The following LMOD3 variants were observed in gnomAD, a reference collection of about 807,000 sequenced individuals.
LMOD3 encodes leiomodin-3.
Under a neutral mutation model 41.8 loss-of-function variants are expected in LMOD3, and 31 were observed. The ratio of observed to expected loss-of-function variants is 0.74; its 90% confidence interval spans 0.56 to 1.00. The LOEUF is 1.00. Among genes scored for constraint, LMOD3 ranks in the 50% least tolerant of loss-of-function variants. The pLI is 0.00. For synonymous variants in LMOD3, 292 were observed against 241.9 expected, an observed-to-expected ratio of 1.21 and a Z score of -1.92; for missense variants, 755 against 679.5, an observed-to-expected ratio of 1.11 and a Z score of -1.23.
chr3:69,118,984 G>A lies in LMOD3; in HGVS notation c.1371C>T (p.Pro457=), dbSNP rs776772472. 1 of 1,613,312 alleles carries A rather than the reference G, an allele frequency of 6.2e-7. No homozygotes were observed. The change falls in exon 2 of 3, where the codon CCC becomes CCT. Residue 457 remains proline (P), a synonymous_variant. Transcript: ENST00000420581. ...FQPPPPRPPN[P]QNVPFSQRSE... ...TGCGTTGACTAAAGGGGACATTTTG[G>A]GGGTTGGGAGGCCGAGGTGGCGGTG...
Position 69,122,513 on chromosome 3 carries a change from A to AT in LMOD3, c.-128dup, listed in dbSNP as rs5849875. On this transcript the variant is annotated 5_prime_UTR_variant, in exon 1 of 3. Coordinates refer to ENST00000420581, the MANE Select transcript of LMOD3 (RefSeq NM_198271.5). ...TCCCAAGTTAACACACCCTTGAGAT[A>AT]TTTTTTTTTTTTTCCCAGGAACCTC... 21,262 of 588,646 alleles carry AT rather than the reference A, an allele frequency of 0.036. 14 individuals carry two copies. Among genetic ancestry groups the AT allele is most frequent in the Middle Eastern group, 0.049 (99 of 2,006 alleles). The allele number at this position is 588,646 out of a possible 1,614,324, so 36.5% of individuals were successfully genotyped here. A position where few individuals can be genotyped will look rare whatever the true frequency, so the allele number is the denominator to read the frequency against.
At chr3:69,117,396 G>GA (rs2092379751) in intron 2 of LMOD3, among the ~76,000 whole-genome samples, 1 of 152,044 alleles carries the variant, frequency 6.6e-6, no homozygotes, top group African/African-American at 2.4e-5. Flanking sequence ...AACATGTTTT[G>GA]AAAAAACATG....
Position 69,109,099 on chromosome 3 carries a change from G to C in LMOD3, c.1679C>G (p.Ala560Gly), listed in dbSNP as rs17005363. The stretch of plus-strand genomic sequence containing the variant: ...TCTAGATGGCTCTGTTGCCTCTTAC[G>C]CCAGTTCTTTTGGCAGTTGCACCTG... ...LKPVQLPKEL[A>G] Residue 560 changes from alanine (A) to glycine (G), a missense_variant, in exon 3 of 3, where the codon GCG (alanine) becomes GGG (glycine). Transcript: ENST00000420581. 1 of 1,600,824 alleles carries C rather than the reference G, an allele frequency of 6.2e-7. No homozygotes were observed. The highest frequency in any genetic ancestry group is 1.1e-5 in the South Asian group (1 of 88,416).
In LMOD3 at chr3:69,109,865, AG is replaced by A. The variant is rs1301590455; in HGVS notation, c.1657-745del. Among the ~76,000 whole-genome samples, 8 of 152,100 alleles carry A rather than the reference AG, an allele frequency of 5.3e-5. 1 individual carries two copies. Among genetic ancestry groups the A allele is most frequent in the African/African-American group, 1.7e-4 (7 of 41,408 alleles). Reference sequence around the variant, plus strand: ...ACAGTATCTCATTACATCCTACAAAAGCCTTGTAGGGAGAGAAATGGCTCAG... The same window carrying A: ...ACAGTATCTCATTACATCCTACAAAACCTTGTAGGGAGAGAAATGGCTCAG... On this transcript the variant is annotated intron_variant, in intron 2 of 2. Transcript: ENST00000420581.
intron 2 of LMOD3, among the ~76,000 whole-genome samples, chr3:69,115,947 T>C (rs2092370428): frequency 6.6e-6 from 1 of 152,198 alleles, no homozygotes; most frequent in Non-Finnish European, 1.5e-5. Flanking sequence ...ATGTGCCCTG[T>C]TGATACTACA....
intron 2 of LMOD3, among the ~76,000 whole-genome samples, chr3:69,116,761 C>A (rs1048734366): frequency 2.0e-5 from 3 of 152,126 alleles, no homozygotes; most frequent in African/African-American, 7.2e-5. Flanking sequence ...ATCTGCCTGA[C>A]ATATATATTT....
In LMOD3 at chr3:69,122,442, A is replaced by T. The variant is rs2107528435; in HGVS notation, c.-56T>A. ...AGAAGAATAATCAAAGATGATTTTT[A>T]AAAAGAAGGAAAAAAGCCTCAAGAA... On this transcript the variant is annotated 5_prime_UTR_variant, in exon 1 of 3. Coordinates refer to ENST00000420581, the MANE Select transcript of LMOD3 (RefSeq NM_198271.5). 2 of 1,306,976 alleles carry T rather than the reference A, an allele frequency of 1.5e-6. No individual in the cohort carries two copies. Among genetic ancestry groups the T allele is most frequent in the East Asian group, 2.5e-5 (1 of 39,596 alleles). 81.0% of individuals were successfully genotyped at this position (1,306,976 alleles called of 1,614,324 possible).
intron 2 of LMOD3, among the ~76,000 whole-genome samples, chr3:69,117,917 C>T (rs1420307449): frequency 3.3e-5 from 5 of 151,560 alleles, no homozygotes; most frequent in South Asian, 2.1e-4. Context: ...CTGCACCATC[C>T]GCCTCCCAAG....
chr3:69,116,491 A>G (rs760984596), intron 2 of LMOD3, among the ~76,000 whole-genome samples: 7 of 152,214 alleles, frequency 4.6e-5, no homozygotes, highest in Non-Finnish European at 7.3e-5. Context: ...TTTTTAAAAC[A>G]CCACCACCAA....
intron 2 of LMOD3, among the ~76,000 whole-genome samples, chr3:69,118,446 G>A (rs1215579885): frequency 6.6e-6 from 1 of 152,126 alleles, no homozygotes; most frequent in Non-Finnish European, 1.5e-5. Context: ...CCAGCCTATA[G>A]TAAATGCTCC....
intron 2 of LMOD3, among the ~76,000 whole-genome samples, chr3:69,114,652 C>A (rs1205106429): frequency 1.3e-5 from 2 of 151,812 alleles, no homozygotes; most frequent in Admixed American, 6.6e-5. Context: ...GGATTACAGG[C>A]GAGCACCACC....
rs1170142165 is a variant in LMOD3, at chr3:69,117,927, G to A, written c.1656+772C>T. Among the ~76,000 whole-genome samples, 15 of 150,870 alleles carry A rather than the reference G, an allele frequency of 9.9e-5. No individual in the cohort carries two copies. The East Asian group carries it at 2.8e-3, about 28-fold the overall frequency. On this transcript the variant is annotated intron_variant, in intron 2 of 2. Coordinates refer to ENST00000420581, the MANE Select transcript of LMOD3 (RefSeq NM_198271.5). ...GCTCACTGCACCATCCGCCTCCCAA[G>A]TTCAAGTGACTCTCCTGCCTCAGCC... is the stretch of plus-strand genomic sequence containing the variant.
At chr3:69,114,134 C>G (rs2092361219) in intron 2 of LMOD3, among the ~76,000 whole-genome samples, 1 of 152,208 alleles carries the variant, frequency 6.6e-6, no homozygotes, top group South Asian at 2.1e-4. Context: ...CATGAGCATT[C>G]TCAAGGATGA....
Position 69,106,613 on chromosome 3 carries a change from A to G in LMOD3, c.*2482T>C, listed in dbSNP as rs1250349431. ...TTCTTCTTGTATATCTAAGATAAAA[A>G]CCCTCTTACTGTGCATTTTGAAATT... On this transcript the variant is annotated 3_prime_UTR_variant, in exon 3 of 3. Transcript: ENST00000420581. Among the ~76,000 whole-genome samples the G allele has an allele frequency of 2.0e-5, 3 of 151,718 alleles. No individual in the cohort carries two copies. The highest frequency in any genetic ancestry group is 1.3e-4 in the Admixed American group (2 of 15,232).
intron 2 of LMOD3, among the ~76,000 whole-genome samples, chr3:69,111,548 A>T (rs1338999832): frequency 6.6e-6 from 1 of 152,250 alleles, no homozygotes; most frequent in Middle Eastern, 3.2e-3. Flanking sequence ...TGCATGGAAG[A>T]GTTCCAAAAT....
At chr3:69,113,087 C>G (rs368962665) in intron 2 of LMOD3, among the ~76,000 whole-genome samples, 34 of 152,164 alleles carry the variant, frequency 2.2e-4, no homozygotes, top group African/African-American at 8.2e-4. Flanking sequence ...TTTTATAGAT[C>G]ATCCTGGTTT....
chr3:69,115,711 C>G (rs1394363582), intron 2 of LMOD3, among the ~76,000 whole-genome samples: 1 of 152,166 alleles, frequency 6.6e-6, no homozygotes, highest in Non-Finnish European at 1.5e-5. Context: ...TGAACATTGT[C>G]TTGTCTCACT....
chr3:69,114,709 G>A (rs974251686), intron 2 of LMOD3, among the ~76,000 whole-genome samples: 1 of 152,088 alleles, frequency 6.6e-6, no homozygotes, highest in Non-Finnish European at 1.5e-5. Context: ...TTTTCACCAC[G>A]TTGGCCAGGT....
chr3:69,112,650 G>A (rs896048039), intron 2 of LMOD3, among the ~76,000 whole-genome samples: 1 of 152,192 alleles, frequency 6.6e-6, no homozygotes, highest in African/African-American at 2.4e-5. Flanking sequence ...AGAAAGCAAG[G>A]CCCTTCAGGG....
Sources: allele counts gnomAD v4.1 joint callset (sites outside exome capture counted in the v4.1 genomes callset), GRCh38; gene constraint gnomAD v4.1.1; transcripts MANE v1.5; gene names NCBI Gene and HGNC (gene_info 2026-07-23, HGNC 2026-07-21).